SOX13: variants seen among roughly 807,000 people sequenced by gnomAD.
The protein encoded by SOX13 is SRY-box transcription factor 13, also known as transcription factor SOX-13.
A neutral mutation model predicts 71.8 loss-of-function variants in SOX13; 28 were observed. The ratio of observed to expected loss-of-function variants is 0.39; its 90% CI spans 0.29 to 0.53. The LOEUF is 0.53. SOX13 is among the 20% of genes least tolerant of loss of function. The pLI, the probability that SOX13 is intolerant of heterozygous loss-of-function variation, is 0.70. For synonymous variants in SOX13, 309 were observed against 317.8 expected, an observed-to-expected ratio of 0.97 and a Z score of 0.29; for missense variants, 627 against 810.3, an observed-to-expected ratio of 0.77 and a Z score of 2.75.
chr1:204,117,840 G>A (rs954438334), intron 7 of SOX13, 133 bp downstream of exon 7: 9 of 624,002 alleles, frequency 1.4e-5, no homozygotes, highest in Non-Finnish European at 2.6e-5. Flanking sequence ...CTGTCTGGTA[G>A]AAGAATCATC....
intron 1 of SOX13, among the ~76,000 whole-genome samples, chr1:204,091,080 A>T (rs1168134420): frequency 6.6e-6 from 1 of 152,172 alleles, no homozygotes; most frequent in African/African-American, 2.4e-5. Flanking sequence ...CTGCTCTCTC[A>T]TTGTCCTGCA....
chr1:204,106,941 C>T (rs1441834612), intron 1 of SOX13, among the ~76,000 whole-genome samples: 3 of 152,206 alleles, frequency 2.0e-5, no homozygotes, highest in Non-Finnish European at 4.4e-5. Flanking sequence ...AGATTCACCT[C>T]TTGATGTTGA....
intron 1 of SOX13, among the ~76,000 whole-genome samples, chr1:204,084,437 C>G (rs1410500415): frequency 3.3e-5 from 5 of 152,192 alleles, no homozygotes; most frequent in African/African-American, 1.2e-4. Context: ...AAATCAACAA[C>G]TGTGTCAACA....
chr1:204,105,474 T>C (rs1329313745), intron 1 of SOX13, among the ~76,000 whole-genome samples: 5 of 149,522 alleles, frequency 3.3e-5, no homozygotes, highest in South Asian at 4.2e-4. Flanking sequence ...AGTGCAATCT[T>C]GGCTCACTGC....
rs564541782 is a variant in SOX13, at chr1:204,111,729, A to T, written c.-1-1186A>T. On this transcript the variant is annotated intron_variant, in intron 1 of 13. Transcript: ENST00000367204. ...ACCCCCGCCCTTTATTTTTTTAAAG[A>T]GATGGGAGTCTCATTAGGTTGTCCA... Among the ~76,000 whole-genome samples the T allele has an allele frequency of 3.1e-5, 4 of 130,738 alleles. No homozygotes were observed. In the East Asian group the frequency reaches 1.0e-3, roughly 33 times the overall value. 85.8% of individuals were successfully genotyped at this position (130,738 alleles called of 152,430 possible).
Position 204,122,374 on chromosome 1 carries a change from G to C in SOX13, c.999G>C (p.Gln333His). The change falls in exon 9 of 14, where the codon CAG (glutamine) becomes CAC (histidine). Residue 333 changes from glutamine (Q) to histidine (H), a missense_variant. Coordinates refer to ENST00000367204, the MANE Select transcript of SOX13 (RefSeq NM_005686.3). Reference sequence around the variant, plus strand: ...ATGGAGGCCCCACGCGGGACCTGCAGTCCAGCCCCCCGAGCCTGCCTCTGG... The same window carrying C: ...ATGGAGGCCCCACGCGGGACCTGCACTCCAGCCCCCCGAGCCTGCCTCTGG... ...PSHGGPTRDL[Q>H]SSPPSLPLGF... is the part of the protein sequence containing the mutation. 6.4e-7 allele frequency: 1 copy of C among 1,562,872 alleles called. No homozygotes were observed. The highest frequency in any genetic ancestry group is 8.7e-7 in the Non-Finnish European group (1 of 1,154,118).
chr1:204,101,384 T>A (rs1656357557), intron 1 of SOX13, among the ~76,000 whole-genome samples: 1 of 151,894 alleles, frequency 6.6e-6, no homozygotes, highest in Admixed American at 6.6e-5. Flanking sequence ...GGGCCTTAGA[T>A]GGCTGGGCGC....
chr1:204,096,897 A>G (rs977966136), intron 1 of SOX13, among the ~76,000 whole-genome samples: 2 of 151,898 alleles, frequency 1.3e-5, no homozygotes, highest in Non-Finnish European at 2.9e-5. Flanking sequence ...TTTTGATAAT[A>G]GCCATCCTCT....
At chr1:204,082,974 G>T (rs1655939576) in intron 1 of SOX13, among the ~76,000 whole-genome samples, 1 of 152,216 alleles carries the variant, frequency 6.6e-6, no homozygotes, top group Non-Finnish European at 1.5e-5. Context: ...CTGGCTGAAA[G>T]CATCAGGGAC....
rs1655901706 is a variant in SOX13 at position 204,081,274 on chromosome 1, C to CT, written c.-2+7564dup. 6.6e-6 allele frequency among the ~76,000 whole-genome samples: 1 copy of CT among 152,124 alleles called. No homozygotes were observed. Among genetic ancestry groups the CT allele is most frequent in the South Asian group, 2.1e-4 (1 of 4,832 alleles). On this transcript the variant is annotated intron_variant, in intron 1 of 13. Coordinates refer to ENST00000367204, the MANE Select transcript of SOX13 (RefSeq NM_005686.3). The surrounding 1 kb of genome is among the most constrained non-coding windows in gnomAD (Gnocchi z 4.3). ...ATTCGTTTTCTTATTTCTGTAGTCT[C>CT]TAAGAGTAATACAACAATGTGTATC...
intron 1 of SOX13, among the ~76,000 whole-genome samples, chr1:204,106,493 G>A (rs996796659): frequency 6.6e-6 from 1 of 151,298 alleles, no homozygotes; most frequent in Non-Finnish European, 1.5e-5. Flanking sequence ...GTATATTTTT[G>A]GCTACTGGGT....
At position 204,121,964 on chromosome 1, in the gene SOX13, G is replaced by A. The variant is rs376943558; in HGVS notation, c.840G>A (p.Met280Ile). The part of the protein sequence containing the change: ...PAPVVKRPGA[M>I]ATHHPLQEPS... ...CAGTGGTGAAGAGGCCTGGGGCCAT[G>A]GCCACCCACCACCCCCTGCAGGTAC... The change falls in exon 8 of 14, where the codon ATG (methionine) becomes ATA (isoleucine). Residue 280 changes from methionine to isoleucine, a missense_variant. Met to Ile is a conservative substitution (Grantham distance 10). This residue lies in a region of SOX13 where 447 missense variants were observed against 532.2 expected (regional missense o/e 0.84). Coordinates refer to ENST00000367204, the MANE Select transcript of SOX13 (RefSeq NM_005686.3). 122 of 1,609,414 alleles carry A rather than the reference G, an allele frequency of 7.6e-5. 3 individuals carry two copies. The African/African-American group carries it at 1.4e-3, about 18-fold the overall frequency.
At position 204,081,239 on chromosome 1, in the gene SOX13, C is replaced by T. The variant is rs1655900114; in HGVS notation, c.-2+7528C>T. Among the ~76,000 whole-genome samples, 1 of 151,406 alleles carries T rather than the reference C, an allele frequency of 6.6e-6. No homozygotes were observed. The highest frequency in any genetic ancestry group is 2.4e-5 in the African/African-American group (1 of 41,324). On this transcript the variant is annotated intron_variant, in intron 1 of 13. Transcript: ENST00000367204. This position sits in a 1 kb window ranked among gnomAD's most constrained non-coding sequence, Gnocchi z 4.3. ...TGACTTCTTTCTTTTTTTTAAAGAT[C>T]GTGGCTCATATTCGTTTTCTTATTT...
chr1:204,094,855 C>T (rs1656220193), intron 1 of SOX13, among the ~76,000 whole-genome samples: 1 of 152,170 alleles, frequency 6.6e-6, no homozygotes, highest in Admixed American at 6.5e-5. Flanking sequence ...GATTTTGGGG[C>T]TTGCCTGTCA....
chr1:204,077,810 CTTGT>C (rs1048259885), intron 1 of SOX13, among the ~76,000 whole-genome samples: 537 of 151,984 alleles, frequency 3.5e-3, no homozygotes, highest in African/African-American at 0.012. Context: ...TGTTTGTTTG[CTTGT>C]TTGTTTGTTT....
intron 1 of SOX13, among the ~76,000 whole-genome samples, chr1:204,076,878 G>A (rs186573676): frequency 6.6e-6 from 1 of 152,354 alleles, no homozygotes; most frequent in East Asian, 1.9e-4. Context: ...TGGGATAACA[G>A]GGGAGAACAA....
intron 4 of SOX13, chr1:204,116,184 T>G: frequency 7.7e-7 from 1 of 1,304,674 alleles, no homozygotes; most frequent in Non-Finnish European, 9.9e-7. Context: ...TTGTCCACCC[T>G]GACCCTGTGT....
Position 204,123,614 on chromosome 1 carries a change from C to T in SOX13, c.1232-47C>T, listed in dbSNP as rs765847730. 23 of 1,597,336 alleles carry T rather than the reference C, an allele frequency of 1.4e-5. No individual in the cohort carries two copies. Among genetic ancestry groups the T allele is most frequent in the Non-Finnish European group, 1.6e-5 (19 of 1,171,086 alleles). On this transcript the variant is annotated intron_variant, in intron 11 of 13. Transcript: ENST00000367204. The surrounding 1 kb of genome is among the most constrained non-coding windows in gnomAD (Gnocchi z 5.0). ...CTCTCTGCTGGCCCTGGGGCACTCT[C>T]CTGACCCCAGACAGGCTGCTTGGCT...
rs1432861146 is a variant in SOX13, at chr1:204,121,907, T to C, written c.783T>C (p.Tyr261=). The C allele has an allele frequency of 1.9e-6, 3 of 1,611,404 alleles. No individual in the cohort carries two copies. The highest frequency in any genetic ancestry group is 2.2e-5 in the South Asian group (2 of 90,952). ...IQPIPCKPVE[Y]PLQLLHSPPA... ...TTGCTGCCTTTTCCATAGTGGAGTA[T>C]CCGCTGCAGCTGCTGCACAGCCCCC... Residue 261 remains tyrosine (Y), a synonymous_variant, in exon 8 of 14, where the codon TAT becomes TAC. Transcript: ENST00000367204.
Sources: allele counts gnomAD v4.1 joint callset (sites outside exome capture counted in the v4.1 genomes callset), GRCh38; gene constraint gnomAD v4.1.1; regional missense constraint gnomAD v4.1.1; non-coding constraint Gnocchi (gnomAD v3.1); transcripts MANE v1.5; gene names NCBI Gene and HGNC (gene_info 2026-07-23, HGNC 2026-07-21).